C12orf42: variants seen among roughly 807,000 people sequenced by gnomAD.
The protein encoded by C12orf42 is chromosome 12 open reading frame 42.
In C12orf42, 25 loss-of-function variants were observed where a neutral mutation model predicts 21.6. The ratio of observed to expected loss-of-function variants is 1.16; its 90% CI spans 0.84 to 1.62. C12orf42 has a LOEUF of 1.62. Among genes scored for constraint, C12orf42 ranks in the 40% most tolerant of loss-of-function variants. The probability of loss-of-function intolerance (pLI) is 0.00; values close to 1 mark genes in which losing one functional copy is unlikely to be tolerated. For synonymous variants in C12orf42, 174 were observed against 175.0 expected, an observed-to-expected ratio of 0.99 and a Z score of 0.05; for missense variants, 483 against 459.3, an observed-to-expected ratio of 1.05 and a Z score of -0.47.
the C12orf42 span, among the ~76,000 whole-genome samples, chr12:103,088,613 C>T: frequency 3.9e-3 from 588 of 152,296 alleles, 3 homozygotes; most frequent in Admixed American, 5.2e-3. Flanking sequence ...CATGTCCCTG[C>T]GGAGTCTCCT....
chr12:103,348,450 A>T (rs1028496553), intron 4 of C12orf42, among the ~76,000 whole-genome samples: 1 of 152,224 alleles, frequency 6.6e-6, no homozygotes, highest in Non-Finnish European at 1.5e-5. Context: ...CCAAGTGAAC[A>T]ATGAACAGAG....
chr12:103,213,999 A>G, the C12orf42 span, among the ~76,000 whole-genome samples: 9 of 152,254 alleles, frequency 5.9e-5, no homozygotes, highest in Non-Finnish European at 2.9e-5. Flanking sequence ...TGAAAGGACA[A>G]TGATCATGAT....
At chr12:103,177,013 A>T in the C12orf42 span, among the ~76,000 whole-genome samples, 2 of 152,222 alleles carry the variant, frequency 1.3e-5, no homozygotes, top group African/African-American at 2.4e-5. Flanking sequence ...CTCCATTTTA[A>T]TTCATTATTC....
chr12:103,242,174 C>T (rs1381531744), intron 10 of C12orf42, among the ~76,000 whole-genome samples: 1 of 152,106 alleles, frequency 6.6e-6, no homozygotes, highest in Admixed American at 6.6e-5. Flanking sequence ...TAGAAAGAAA[C>T]TAATTGTTAA....
At chr12:103,507,920 C>A in the C12orf42 span, among the ~76,000 whole-genome samples, 2 of 152,158 alleles carry the variant, frequency 1.3e-5, no homozygotes, top group Non-Finnish European at 2.9e-5. Context: ...TGTGACAATG[C>A]AAGCTGTGCC....
intron 4 of C12orf42, among the ~76,000 whole-genome samples, chr12:103,365,623 C>A (rs1002910352): frequency 6.6e-6 from 1 of 151,992 alleles, no homozygotes; most frequent in Middle Eastern, 3.2e-3. Context: ...ACGAATTCAA[C>A]AAAGTTTCAG....
the C12orf42 span, among the ~76,000 whole-genome samples, chr12:103,147,085 A>T: frequency 8.2e-4 from 125 of 152,308 alleles, no homozygotes; most frequent in African/African-American, 2.9e-3. Flanking sequence ...CCGTAAGTAT[A>T]CAAAAGATAC....
chr12:103,257,920 A>C (rs2034693105), intron 10 of C12orf42, among the ~76,000 whole-genome samples: 1 of 152,028 alleles, frequency 6.6e-6, no homozygotes, highest in Non-Finnish European at 1.5e-5. Flanking sequence ...TTCTAATAAA[A>C]TTAATAAAGA....
intron 5 of C12orf42, among the ~76,000 whole-genome samples, chr12:103,272,938 G>T (rs912407672): frequency 2.6e-5 from 4 of 152,094 alleles, no homozygotes; most frequent in African/African-American, 9.7e-5. Context: ...CAGACTCTCC[G>T]CTTCTAGTAA....
chr12:103,062,756 A>T, the C12orf42 span, among the ~76,000 whole-genome samples: 10,625 of 152,008 alleles, frequency 0.07, 484 homozygotes, highest in South Asian at 0.099. Context: ...AGTTTGCAGC[A>T]TTCTTTAAAT....
chr12:103,325,255 CTT>C (rs1037382786), intron 4 of C12orf42, among the ~76,000 whole-genome samples: 2 of 152,178 alleles, frequency 1.3e-5, no homozygotes, highest in African/African-American at 4.8e-5. Context: ...GAAGGACTCT[CTT>C]TTTGAACGAC....
intron 2 of C12orf42, among the ~76,000 whole-genome samples, chr12:103,429,729 G>T (rs533405099): frequency 2.8e-4 from 43 of 152,202 alleles, no homozygotes; most frequent in Admixed American, 1.6e-3. Context: ...ATACTACAAG[G>T]CTACAGTAAC....
the C12orf42 span, among the ~76,000 whole-genome samples, chr12:103,175,982 G>A: frequency 6.6e-6 from 1 of 152,002 alleles, no homozygotes; most frequent in Non-Finnish European, 1.5e-5. Context: ...ATCCTCCATC[G>A]AGACCACTGA....
intron 2 of C12orf42, among the ~76,000 whole-genome samples, chr12:103,416,982 T>C (rs2049401825): frequency 6.6e-6 from 1 of 152,220 alleles, no homozygotes; most frequent in South Asian, 2.1e-4. Context: ...TTTTCAAACA[T>C]GGACTTTGAT....
the C12orf42 span, among the ~76,000 whole-genome samples, chr12:103,069,662 C>A: frequency 1.3e-5 from 2 of 152,142 alleles, no homozygotes; most frequent in Non-Finnish European, 2.9e-5. Context: ...GTAAGTCAAG[C>A]CTTCGTAAGT....
chr12:103,384,137 A>G (rs2046405995), intron 3 of C12orf42, among the ~76,000 whole-genome samples: 1 of 152,226 alleles, frequency 6.6e-6, no homozygotes, highest in Non-Finnish European at 1.5e-5. Context: ...TTTTACAAGT[A>G]CATAATTTCT....
chr12:103,423,858 C>A (rs1440893046), intron 2 of C12orf42, among the ~76,000 whole-genome samples: 2 of 152,156 alleles, frequency 1.3e-5, no homozygotes, highest in African/African-American at 4.8e-5. Flanking sequence ...GTAAAGATAA[C>A]AAGTTGAGAA....
At chr12:103,454,905 G>A (rs1214467721) in intron 2 of C12orf42, among the ~76,000 whole-genome samples, 1 of 152,104 alleles carries the variant, frequency 6.6e-6, no homozygotes, top group Admixed American at 6.6e-5. Context: ...TATCTTACTA[G>A]GTAAGTGACT....
chr12:103,114,247 G>A, the C12orf42 span, among the ~76,000 whole-genome samples: 1 of 152,042 alleles, frequency 6.6e-6, no homozygotes, highest in Non-Finnish European at 1.5e-5. Flanking sequence ...TGTGTTTTAC[G>A]TTTTAAAGAA....
Sources: gnomAD v4.1 joint callset for allele counts (sites outside exome capture counted in the v4.1 genomes callset) on GRCh38, gnomAD v4.1.1 for gene constraint, MANE v1.5 for transcripts, NCBI Gene and HGNC (gene_info 2026-07-23, HGNC 2026-07-21) for gene names.